STK3: variants seen among roughly 807,000 people sequenced by gnomAD.
STK3 encodes the protein serine/threonine kinase 3.
Under a neutral mutation model 58.0 loss-of-function variants are expected in STK3, and 41 were observed. The ratio of observed to expected loss-of-function variants is 0.71; its 90% CI spans 0.55 to 0.92. The LOEUF (loss-of-function observed/expected upper bound fraction) is 0.92. Ranked by LOEUF, STK3 falls within the 40% of genes least tolerant of loss-of-function variation. STK3 has a pLI of 0.00. For synonymous variants in STK3, 170 were observed against 191.0 expected (o/e 0.89, Z 0.91); for missense variants, 479 against 602.7 (o/e 0.79, Z 2.15).
chr8:98,483,256 C>T (rs953263056), intron 10 of STK3, among the ~76,000 whole-genome samples: 3 of 152,172 alleles, frequency 2.0e-5, no homozygotes, highest in African/African-American at 7.2e-5. Flanking sequence ...TATTAACTTA[C>T]ATGATTAATA....
intron 3 of STK3, among the ~76,000 whole-genome samples, chr8:98,419,745 T>G (rs1250670880): frequency 2.6e-5 from 4 of 152,224 alleles, no homozygotes; most frequent in African/African-American, 9.6e-5. Context: ...CCAGTTTCTA[T>G]GATCTGCTTC....
At chr8:98,932,347 AATTTAAGGACCC>A (rs1840030962) in intron 1 of STK3, among the ~76,000 whole-genome samples, 1 of 152,198 alleles carries the variant, frequency 6.6e-6, no homozygotes, top group Non-Finnish European at 1.5e-5. Flanking sequence ...TCAAACAGCC[AATTTAAGGACCC>A]ATGAAGGCTA....
intron 3 of STK3, among the ~76,000 whole-genome samples, chr8:98,831,969 T>G (rs1708095680): frequency 6.6e-6 from 1 of 152,232 alleles, no homozygotes; most frequent in South Asian, 2.1e-4. Context: ...CAAAATGATT[T>G]TTAAAACAAG....
At chr8:98,609,101 C>T (rs970276143) in intron 6 of STK3, among the ~76,000 whole-genome samples, 15 of 152,120 alleles carry the variant, frequency 9.9e-5, no homozygotes, top group Admixed American at 4.6e-4. Context: ...ACAACCCTTC[C>T]GCAAGCATTA....
At chr8:98,503,283 T>C (rs1381675053) in intron 10 of STK3, among the ~76,000 whole-genome samples, 1 of 152,130 alleles carries the variant, frequency 6.6e-6, no homozygotes, top group Admixed American at 6.6e-5. Context: ...CTGAGTCTAT[T>C]TGTTTCTTCT....
upstream of STK3, among the ~76,000 whole-genome samples, chr8:98,828,437 CAAAAAAAAAAAAAAAA>C (rs367737626): frequency 4.1e-5 from 2 of 48,578 alleles, no homozygotes; most frequent in Non-Finnish European, 7.0e-5. Flanking sequence ...CCCATCTCTA[CAAAAAAAAAAAAAAAA>C]AAAAAAAAAA....
intron 6 of STK3, among the ~76,000 whole-genome samples, chr8:98,698,341 T>C (rs1409549008): frequency 1.3e-5 from 2 of 152,034 alleles, no homozygotes; most frequent in Non-Finnish European, 2.9e-5. Context: ...TGTCTTTTAA[T>C]TGGAGCATTT....
At chr8:98,759,692 T>C (rs1279488760) in intron 3 of STK3, among the ~76,000 whole-genome samples, 1 of 151,948 alleles carries the variant, frequency 6.6e-6, no homozygotes, top group Non-Finnish European at 1.5e-5. Context: ...CAGAGTAAGG[T>C]ATACCTGTAT....
At chr8:98,631,908 A>G (rs969439212) in intron 6 of STK3, among the ~76,000 whole-genome samples, 1 of 151,990 alleles carries the variant, frequency 6.6e-6, no homozygotes, top group Non-Finnish European at 1.5e-5. Context: ...TGGGTGATCC[A>G]CCCGCCTCAG....
intron 8 of STK3, among the ~76,000 whole-genome samples, chr8:98,570,341 A>G (rs963079834): frequency 1.3e-5 from 2 of 151,186 alleles, no homozygotes; most frequent in African/African-American, 4.9e-5. Context: ...GGGTTTCACT[A>G]TGTTGCCCAG....
At chr8:98,543,112 A>C (rs1427292625) in intron 9 of STK3, among the ~76,000 whole-genome samples, 1 of 152,226 alleles carries the variant, frequency 6.6e-6, no homozygotes, top group African/African-American at 2.4e-5. Context: ...TAGAGGAAGC[A>C]ACCTCTTAAC....
rs1381152599 is a variant in STK3, at chr8:98,489,079, G to A, written c.1318-33079C>T. 4.6e-5 allele frequency among the ~76,000 whole-genome samples: 7 copies of A among 152,080 alleles called. No individual in the cohort carries two copies. In the South Asian group the frequency reaches 1.2e-3, roughly 27 times the overall value. Reference sequence around the variant, plus strand: ...GTGAGCTGGAAGGAGTGGGGCTCTCGATGCAGAAACTGATTTTTCCATTTT... The same window carrying A: ...GTGAGCTGGAAGGAGTGGGGCTCTCAATGCAGAAACTGATTTTTCCATTTT... On this transcript the variant is annotated intron_variant, in intron 10 of 10. Transcript: ENST00000419617.
intron 1 of STK3, among the ~76,000 whole-genome samples, chr8:98,819,864 T>C (rs951462270): frequency 2.6e-5 from 4 of 152,198 alleles, no homozygotes; most frequent in African/African-American, 9.7e-5. Flanking sequence ...ATAATATCTT[T>C]GTGATATTCC....
At chr8:98,594,118 G>A (rs569542943) in intron 7 of STK3, among the ~76,000 whole-genome samples, 2 of 152,154 alleles carry the variant, frequency 1.3e-5, no homozygotes, top group African/African-American at 4.8e-5. Flanking sequence ...GACTAGCCTG[G>A]GTAACATGGC....
At chr8:98,758,341 A>G (rs1048628880) in intron 3 of STK3, among the ~76,000 whole-genome samples, 4 of 152,248 alleles carry the variant, frequency 2.6e-5, no homozygotes, top group Non-Finnish European at 2.9e-5. Context: ...GGCAGAGACA[A>G]AATGAAAAAG....
intron 6 of STK3, among the ~76,000 whole-genome samples, chr8:98,603,978 G>C (rs1360151738): frequency 6.6e-6 from 1 of 152,138 alleles, no homozygotes; most frequent in Admixed American, 6.5e-5. Context: ...AATTATCTAG[G>C]CAGGCCAAAT....
intron 1 of STK3, among the ~76,000 whole-genome samples, chr8:98,901,079 A>G (rs1838640096): frequency 6.6e-6 from 1 of 152,202 alleles, no homozygotes; most frequent in Admixed American, 6.5e-5. Context: ...AAAATCAGTG[A>G]ACCATTCTGG....
At chr8:98,589,107 C>T (rs1814982246) in intron 7 of STK3, among the ~76,000 whole-genome samples, 1 of 152,196 alleles carries the variant, frequency 6.6e-6, no homozygotes, top group Non-Finnish European at 1.5e-5. Context: ...TCGTCAAAGT[C>T]ATTCTCCATC....
At chr8:98,511,096 T>C (rs1397852882) in intron 10 of STK3, among the ~76,000 whole-genome samples, 2 of 152,084 alleles carry the variant, frequency 1.3e-5, no homozygotes, top group Non-Finnish European at 2.9e-5. Flanking sequence ...ATATGAATAA[T>C]AACATATTCT....
Sources: allele counts gnomAD v4.1 joint callset (sites outside exome capture counted in the v4.1 genomes callset), GRCh38; gene constraint gnomAD v4.1.1; transcripts MANE v1.5; gene names NCBI Gene and HGNC (gene_info 2026-07-23, HGNC 2026-07-21).